Variants in OPCML observed in about 807,000 individuals in gnomAD.
OPCML encodes the protein opioid-binding protein/cell adhesion molecule.
In OPCML, 13 loss-of-function variants were observed where a neutral mutation model predicts 37.8. That is an observed-to-expected ratio of 0.34 (90% CI 0.22 to 0.55). OPCML has a LOEUF of 0.55. OPCML is among the 20% of genes least tolerant of loss of function. The probability of loss-of-function intolerance (pLI) is 0.91; values close to 1 mark genes in which losing one functional copy is unlikely to be tolerated. For missense variants in OPCML, 341 were observed against 435.6 expected, an observed-to-expected ratio of 0.78 and a Z score of 1.93; for synonymous variants, 176 against 168.8, an observed-to-expected ratio of 1.04 and a Z score of -0.33.
At chr11:132,665,617 T>C (rs1942185037) in intron 2 of OPCML, among the ~76,000 whole-genome samples, 1 of 152,054 alleles carries the variant, frequency 6.6e-6, no homozygotes, top group Non-Finnish European at 1.5e-5. Context: ...AAGTAAAGCG[T>C]AGGGTAGCGA....
intron 2 of OPCML, among the ~76,000 whole-genome samples, chr11:132,836,730 C>A (rs4245112): frequency 0.067 from 10,161 of 152,016 alleles, 393 homozygotes; most frequent in Non-Finnish European, 0.076. Flanking sequence ...AGGATATGTA[C>A]GGCATGACTG....
chr11:132,488,676 C>T (rs1367394117), intron 4 of OPCML, among the ~76,000 whole-genome samples: 1 of 152,162 alleles, frequency 6.6e-6, no homozygotes, highest in East Asian at 1.9e-4. Flanking sequence ...TTTCTTTAGT[C>T]ATACATTAGT....
At chr11:133,506,330 C>G (rs561361036) in intron 1 of OPCML, among the ~76,000 whole-genome samples, 75 of 152,310 alleles carry the variant, frequency 4.9e-4, no homozygotes, top group African/African-American at 1.8e-3. Flanking sequence ...CTCCCCAGAG[C>G]CCTGAGAGGG....
intron 3 of OPCML, among the ~76,000 whole-genome samples, chr11:132,608,080 A>G (rs1345330533): frequency 6.6e-6 from 1 of 152,214 alleles, no homozygotes; most frequent in African/African-American, 2.4e-5. Context: ...ATCTTTACGA[A>G]TTATATAAAT....
In OPCML at chr11:132,773,661, G is replaced by T. The variant is rs117428039; in HGVS notation, c.147-116342C>A. On this transcript the variant is annotated intron_variant, in intron 2 of 7. Coordinates refer to ENST00000524381, the MANE Select transcript of OPCML (RefSeq NM_001012393.5). ...CATATTCTAGAAGTTTCTTCACTTT[G>T]AAAATGGGCACAATGAACAATTCAT... Among the ~76,000 whole-genome samples the T allele has an allele frequency of 5.3e-5, 8 of 152,248 alleles. No individual in the cohort carries two copies. In the East Asian group the frequency reaches 1.5e-3, roughly 29 times the overall value.
chr11:133,402,538 A>G (rs1232339967), intron 1 of OPCML, among the ~76,000 whole-genome samples: 1 of 152,196 alleles, frequency 6.6e-6, no homozygotes, highest in Admixed American at 6.5e-5. Flanking sequence ...ATAATCACAC[A>G]GTTTCTCACC....
intron 3 of OPCML, among the ~76,000 whole-genome samples, chr11:132,615,042 A>G (rs1208264034): frequency 6.6e-6 from 1 of 152,208 alleles, no homozygotes; most frequent in Non-Finnish European, 1.5e-5. Context: ...TATTCTACCT[A>G]TACTCTACAA....
chr11:132,914,904 G>A (rs939955078), intron 2 of OPCML, among the ~76,000 whole-genome samples: 11 of 152,196 alleles, frequency 7.2e-5, no homozygotes, highest in Non-Finnish European at 1.0e-4. Context: ...TCCTGATGCT[G>A]CTCCCTGCAG....
intron 1 of OPCML, among the ~76,000 whole-genome samples, chr11:133,031,415 A>T (rs1032199359): frequency 4.7e-5 from 7 of 149,978 alleles, no homozygotes; most frequent in African/African-American, 1.7e-4. Flanking sequence ...AGGTGAATGG[A>T]TGGATGGATG....
intron 2 of OPCML, among the ~76,000 whole-genome samples, chr11:132,785,443 G>A (rs1947177210): frequency 6.6e-6 from 1 of 152,178 alleles, no homozygotes; most frequent in African/African-American, 2.4e-5. Flanking sequence ...CTTGAAATAA[G>A]AGGAGGAGCC....
chr11:132,824,000 C>T (rs768898317), intron 2 of OPCML, among the ~76,000 whole-genome samples: 1 of 152,190 alleles, frequency 6.6e-6, no homozygotes, highest in Non-Finnish European at 1.5e-5. Flanking sequence ...TGTCTAATTG[C>T]TGGAGTGCCG....
intron 4 of OPCML, among the ~76,000 whole-genome samples, chr11:132,438,670 A>G (rs10894560): frequency 0.51 from 75,716 of 149,442 alleles, 21,603 homozygotes; most frequent in African/African-American, 0.8. Flanking sequence ...TGTGCAGCAG[A>G]AAGGTGTCTG....
chr11:133,316,479 G>A (rs1264655959), intron 1 of OPCML, among the ~76,000 whole-genome samples: 1 of 152,126 alleles, frequency 6.6e-6, no homozygotes, highest in Non-Finnish European at 1.5e-5. Flanking sequence ...GGCGTGTCAG[G>A]GGAGGGAGAG....
chr11:133,231,251 G>A (rs1043077276), intron 1 of OPCML, among the ~76,000 whole-genome samples: 8 of 152,168 alleles, frequency 5.3e-5, no homozygotes. Context: ...CTTGGATACA[G>A]CAAGTGACTC....
intron 1 of OPCML, among the ~76,000 whole-genome samples, chr11:132,985,928 T>C (rs567506690): frequency 6.6e-6 from 1 of 152,306 alleles, no homozygotes; most frequent in Admixed American, 6.5e-5. Flanking sequence ...TTTTCACAAG[T>C]TTTTCTTTCT....
At chr11:133,246,040 A>G (rs1304223861) in intron 1 of OPCML, among the ~76,000 whole-genome samples, 1 of 138,250 alleles carries the variant, frequency 7.2e-6, no homozygotes, top group African/African-American at 3.0e-5. Flanking sequence ...TAATGGGTTG[A>G]TAGGTGCAGC....
intron 1 of OPCML, among the ~76,000 whole-genome samples, chr11:132,987,740 C>T (rs563190578): frequency 1.3e-5 from 2 of 152,102 alleles, no homozygotes; most frequent in African/African-American, 4.8e-5. Context: ...ATAGCGTCTT[C>T]CCTATGCTCC....
At chr11:132,774,535 G>A (rs1023530667) in intron 2 of OPCML, among the ~76,000 whole-genome samples, 7 of 152,224 alleles carry the variant, frequency 4.6e-5, no homozygotes, top group Non-Finnish European at 8.8e-5. Flanking sequence ...AGCCCTTGGA[G>A]ATTCTTATTC....
chr11:133,141,095 G>GAAGAAGAAGAAGAAGA (rs1565469375), intron 1 of OPCML, among the ~76,000 whole-genome samples: 176 of 12,926 alleles, frequency 0.014, 70 homozygotes, highest in African/African-American at 0.022. Flanking sequence ...GAAGAAGAAG[G>GAAGAAGAAGAAGAAGA]AGAAGAAGAA....
Sources: gnomAD v4.1 joint callset for allele counts (sites outside exome capture counted in the v4.1 genomes callset) on GRCh38, gnomAD v4.1.1 for gene constraint, MANE v1.5 for transcripts, NCBI Gene and HGNC (gene_info 2026-07-23, HGNC 2026-07-21) for gene names.